STOX2: variants seen among roughly 807,000 people sequenced by gnomAD.
STOX2 encodes the protein storkhead box 2.
In STOX2, 28 loss-of-function variants were observed where a neutral mutation model predicts 60.9. The observed-to-expected ratio is 0.46, with a 90% CI of 0.34 to 0.63. The LOEUF is 0.63. Ranked by LOEUF, STOX2 falls within the 30% of genes least tolerant of loss-of-function variation. The pLI is 0.01. For synonymous variants in STOX2, 472 were observed against 463.9 expected (o/e 1.02, Z -0.22); for missense variants, 1,024 against 1,187.7 (o/e 0.86, Z 2.03).
chr4:184,004,496 A>G (rs1733738889), intron 2 of STOX2, among the ~76,000 whole-genome samples: 1 of 152,148 alleles, frequency 6.6e-6, no homozygotes, highest in African/African-American at 2.4e-5. Flanking sequence ...GCTACTCGGG[A>G]GGCTGAGGCA....
intron 1 of STOX2, among the ~76,000 whole-genome samples, chr4:183,938,431 G>C (rs1192425029): frequency 6.6e-6 from 1 of 152,108 alleles, no homozygotes; most frequent in African/African-American, 2.4e-5. Context: ...CACTTTGGGA[G>C]GCCAAGGTGG....
intron 1 of STOX2, among the ~76,000 whole-genome samples, chr4:183,918,142 G>T (rs1317540877): frequency 1.3e-5 from 2 of 152,212 alleles, no homozygotes; most frequent in African/African-American, 4.8e-5. Context: ...GCTACATAGA[G>T]TTAAAAGCGG....
At chr4:183,879,876 C>A (rs138160373) in intron 1 of STOX2, among the ~76,000 whole-genome samples, 2 of 152,174 alleles carry the variant, frequency 1.3e-5, no homozygotes, top group East Asian at 3.9e-4. Context: ...GGCGATAGTA[C>A]GACATGGTGC....
At chr4:184,013,872 G>A (rs1374115860) in intron 3 of STOX2, among the ~76,000 whole-genome samples, 3 of 152,156 alleles carry the variant, frequency 2.0e-5, no homozygotes, top group African/African-American at 7.2e-5. Flanking sequence ...CTGCCGCCTG[G>A]AACTCCTGGG....
At chr4:183,847,119 C>T (rs2111136863) in intron 1 of STOX2, among the ~76,000 whole-genome samples, 1 of 152,314 alleles carries the variant, frequency 6.6e-6, no homozygotes, top group South Asian at 2.1e-4. Flanking sequence ...GTTATGCCTT[C>T]AACCCTCAGC....
chr4:183,889,889 G>C (rs2111181200), intron 1 of STOX2, among the ~76,000 whole-genome samples: 1 of 152,276 alleles, frequency 6.6e-6, no homozygotes, highest in East Asian at 1.9e-4. Flanking sequence ...TGAAAAGATG[G>C]ATTTCATAAT....
At chr4:183,855,617 G>T (rs548647427) in intron 1 of STOX2, among the ~76,000 whole-genome samples, 80 of 152,306 alleles carry the variant, frequency 5.3e-4, no homozygotes, top group South Asian at 1.0e-3. Flanking sequence ...AAAATCTTTT[G>T]TGAAGTTTAT....
chr4:183,975,720 G>A lies in STOX2; in HGVS notation c.167-25605G>A, dbSNP rs544864345. Among the ~76,000 whole-genome samples the A allele has an allele frequency of 5.6e-4, 86 of 152,294 alleles. No homozygotes were observed. The Middle Eastern group carries it at 0.01, about 18-fold the overall frequency. ...AACTACAGGTTTGGATGGTTTCACT[G>A]GTAGAATTCTCTGCCAAACATTTGT... On this transcript the variant is annotated intron_variant, in intron 1 of 3. Coordinates refer to ENST00000308497, the MANE Select transcript of STOX2 (RefSeq NM_020225.3).
rs376791199 is a variant in STOX2, at chr4:183,878,843, C to T, written c.364+80788C>T. The stretch of plus-strand genomic sequence containing the variant: ...CAAAGGATGGCCCGTAAGGGGTGAG[C>T]TGAGTTTTTCTATTTTGTTTTCTTT... On this transcript the variant is annotated intron_variant, in intron 1 of 2. Transcript: ENST00000513034. Among the ~76,000 whole-genome samples, 240 of 152,016 alleles carry T rather than the reference C, an allele frequency of 1.6e-3. 4 individuals carry two copies. The highest frequency in any genetic ancestry group is 5.5e-3 in the African/African-American group (226 of 41,450).
At chr4:183,976,253 A>C (rs1732439313) in intron 1 of STOX2, among the ~76,000 whole-genome samples, 1 of 152,238 alleles carries the variant, frequency 6.6e-6, no homozygotes, top group Non-Finnish European at 1.5e-5. Context: ...TGGAGGTTGC[A>C]GTGAGCCAAG....
chr4:183,943,167 G>T (rs1039664118), intron 1 of STOX2, among the ~76,000 whole-genome samples: 1 of 152,104 alleles, frequency 6.6e-6, no homozygotes, highest in Non-Finnish European at 1.5e-5. Context: ...TTAATTTTGG[G>T]GATAGGATAT....
intron 2 of STOX2, among the ~76,000 whole-genome samples, chr4:184,008,505 CTG>C (rs1733978658): frequency 1.3e-5 from 2 of 152,182 alleles, no homozygotes; most frequent in African/African-American, 4.8e-5. Flanking sequence ...TTCTTACTGA[CTG>C]ACGCCAAAAA....
At chr4:183,873,059 T>C (rs1165265527) in intron 1 of STOX2, among the ~76,000 whole-genome samples, 1 of 152,204 alleles carries the variant, frequency 6.6e-6, no homozygotes, top group Admixed American at 6.5e-5. Flanking sequence ...TTATTTTTAA[T>C]ACAAAGACAG....
intron 1 of STOX2, among the ~76,000 whole-genome samples, chr4:183,971,448 C>CTCTG (rs958702426): frequency 5.3e-5 from 8 of 152,178 alleles, no homozygotes; most frequent in Non-Finnish European, 8.8e-5. Flanking sequence ...GATGACAAAG[C>CTCTG]TCATTAGTAC....
chr4:183,956,463 T>TATC (rs1276003402), intron 1 of STOX2, among the ~76,000 whole-genome samples: 1 of 151,860 alleles, frequency 6.6e-6, no homozygotes, highest in Non-Finnish European at 1.5e-5. Context: ...TCTATCTATC[T>TATC]ATCTATCTAT....
chr4:183,980,379 C>T (rs1430564690), intron 1 of STOX2, among the ~76,000 whole-genome samples: 6 of 152,182 alleles, frequency 3.9e-5, no homozygotes, highest in Non-Finnish European at 7.3e-5. Flanking sequence ...AATAACTATA[C>T]TTTCACCAGG....
At chr4:183,979,977 A>G (rs1732589814) in intron 1 of STOX2, among the ~76,000 whole-genome samples, 1 of 152,138 alleles carries the variant, frequency 6.6e-6, no homozygotes, top group Non-Finnish European at 1.5e-5. Flanking sequence ...ATTTTATTTA[A>G]TTTAGATTAA....
intron 1 of STOX2, among the ~76,000 whole-genome samples, chr4:183,800,700 GTCTTA>G (rs1157291576): frequency 6.6e-6 from 1 of 152,180 alleles, no homozygotes; most frequent in Non-Finnish European, 1.5e-5. Context: ...GTTTGCTTAA[GTCTTA>G]TCATTCTTGT....
At chr4:183,967,129 G>A (rs548989615) in intron 1 of STOX2, among the ~76,000 whole-genome samples, 4 of 152,118 alleles carry the variant, frequency 2.6e-5, no homozygotes, top group East Asian at 1.9e-4. Context: ...TTGGGAGGCC[G>A]AGGTGGGCGG....
Sources: gnomAD v4.1 joint callset for allele counts (sites outside exome capture counted in the v4.1 genomes callset) on GRCh38, gnomAD v4.1.1 for gene constraint, MANE v1.5 for transcripts, NCBI Gene and HGNC (gene_info 2026-07-23, HGNC 2026-07-21) for gene names.